The following SLC25A21 variants were observed in gnomAD, a reference collection of about 807,000 sequenced individuals.
SLC25A21 encodes mitochondrial 2-oxodicarboxylate carrier.
Under a neutral mutation model 43.8 loss-of-function variants are expected in SLC25A21, and 47 were observed. The ratio of observed to expected loss-of-function variants is 1.07; its 90% CI spans 0.85 to 1.37. SLC25A21 has a LOEUF of 1.37. Ranked by LOEUF, SLC25A21 falls within the 40% of genes most tolerant of loss-of-function variation. The pLI, the probability that SLC25A21 is intolerant of heterozygous loss-of-function variation, is 0.00. For synonymous variants in SLC25A21, 131 were observed against 121.3 expected (o/e 1.08, Z -0.52); for missense variants, 352 against 350.2 (o/e 1.00, Z -0.04).
chr14:36,926,478 G>A (rs1453029108), intron 1 of SLC25A21, among the ~76,000 whole-genome samples: 6 of 152,092 alleles, frequency 3.9e-5, no homozygotes, highest in African/African-American at 9.7e-5. Flanking sequence ...GAAGAAGAAA[G>A]ATAAATCAGA....
At chr14:36,860,903 T>C (rs1363991294) in intron 2 of SLC25A21, among the ~76,000 whole-genome samples, 1 of 152,228 alleles carries the variant, frequency 6.6e-6, no homozygotes. Context: ...TAATTTTGTG[T>C]GGTTTTTGCT....
chr14:36,903,052 A>C (rs1485096410), intron 1 of SLC25A21, among the ~76,000 whole-genome samples: 3 of 152,228 alleles, frequency 2.0e-5, no homozygotes, highest in Non-Finnish European at 4.4e-5. Flanking sequence ...GAATAAAAAT[A>C]ATAGTGGTTC....
chr14:37,114,797 AATTGGTGGTTTTC>A lies in SLC25A21; in HGVS notation c.70+57471_70+57483del, dbSNP rs1201535967. On this transcript the variant is annotated intron_variant, in intron 1 of 9. Coordinates refer to ENST00000331299, the MANE Select transcript of SLC25A21 (RefSeq NM_030631.4). ...AGAGTCATTTTTATGGCGGGGGGGG[AATTGGTGGTTTTC>A]ATTGGTGGTTTTCATTCTTGTTTTT... 8.3e-5 allele frequency among the ~76,000 whole-genome samples: 10 copies of A among 120,398 alleles called. No individual in the cohort carries two copies. The South Asian group carries it at 1.1e-3, about 13-fold the overall frequency. 79.0% of individuals were successfully genotyped at this position (120,398 alleles called of 152,430 possible).
In SLC25A21 at chr14:37,142,758, C is replaced by T. The variant is rs1055171768; in HGVS notation, c.70+29523G>A. Among the ~76,000 whole-genome samples, 7 of 152,066 alleles carry T rather than the reference C, an allele frequency of 4.6e-5. No individual in the cohort carries two copies. The South Asian group carries it at 6.2e-4, about 14-fold the overall frequency. On this transcript the variant is annotated intron_variant, in intron 1 of 9. Coordinates refer to ENST00000331299, the MANE Select transcript of SLC25A21 (RefSeq NM_030631.4). ...AAATTAGGCAGATATTAGAAATGTCCGTTTTTCTCCTTAGCCTGACTGTCA... is the reference window on the plus strand; with the variant it reads ...AAATTAGGCAGATATTAGAAATGTCTGTTTTTCTCCTTAGCCTGACTGTCA...
At chr14:36,711,719 T>C (rs1594513602) in intron 6 of SLC25A21, among the ~76,000 whole-genome samples, 1 of 152,232 alleles carries the variant, frequency 6.6e-6, no homozygotes, top group East Asian at 1.9e-4. Flanking sequence ...ACGATTTTGA[T>C]AGGATTAGTG....
intron 1 of SLC25A21, among the ~76,000 whole-genome samples, chr14:36,938,923 T>G (rs1478081686): frequency 6.6e-6 from 1 of 152,176 alleles, no homozygotes. Flanking sequence ...TATTCAGATT[T>G]AACTCTCTTA....
At chr14:36,804,358 G>A (rs1387074711) in intron 3 of SLC25A21, among the ~76,000 whole-genome samples, 1 of 152,146 alleles carries the variant, frequency 6.6e-6, no homozygotes, top group East Asian at 1.9e-4. Flanking sequence ...TGACAAAATA[G>A]GCAGCATATT....
chr14:36,880,815 G>A (rs142240056), intron 1 of SLC25A21, among the ~76,000 whole-genome samples: 2 of 152,272 alleles, frequency 1.3e-5, no homozygotes, highest in African/African-American at 4.8e-5. Context: ...CACATATCCT[G>A]CTGTGTAAAT....
chr14:36,758,708 G>C (rs1182895447), intron 3 of SLC25A21, among the ~76,000 whole-genome samples: 4 of 152,016 alleles, frequency 2.6e-5, no homozygotes, highest in Admixed American at 2.0e-4. Flanking sequence ...CAGTTGAGAA[G>C]AGAAATGATC....
chr14:37,037,811 G>T (rs1396913340), intron 1 of SLC25A21, among the ~76,000 whole-genome samples: 2 of 152,040 alleles, frequency 1.3e-5, no homozygotes, highest in Admixed American at 1.3e-4. Context: ...TCAGAATGCT[G>T]CCAGGAATCA....
In SLC25A21 at chr14:37,095,784, G is replaced by GTATA. The variant is rs60328274; in HGVS notation, c.70+76493_70+76496dup. 8.5e-5 allele frequency among the ~76,000 whole-genome samples: 12 copies of GTATA among 140,358 alleles called. No individual in the cohort carries two copies. In the East Asian group the frequency reaches 2.5e-3, roughly 29 times the overall value. 92.1% of individuals were successfully genotyped at this position (140,358 alleles called of 152,430 possible). ...CCTGTCTTTAAAAAAATGTATATAT[G>GTATA]TATATATATATTTATATACACACAC... On this transcript the variant is annotated intron_variant, in intron 1 of 9. Transcript: ENST00000331299.
chr14:36,960,105 T>G (rs529991910), intron 1 of SLC25A21, among the ~76,000 whole-genome samples: 1 of 152,216 alleles, frequency 6.6e-6, no homozygotes, highest in Non-Finnish European at 1.5e-5. Flanking sequence ...CTTTTTGTTT[T>G]TTAGTTTAGA....
intron 1 of SLC25A21, among the ~76,000 whole-genome samples, chr14:37,004,943 G>A (rs892102556): frequency 3.0e-5 from 3 of 100,410 alleles, no homozygotes; most frequent in Non-Finnish European, 4.2e-5. Context: ...TTTTTTTTTT[G>A]AGACAGAGTG....
chr14:36,883,171 C>T (rs1022200027), intron 1 of SLC25A21, among the ~76,000 whole-genome samples: 8 of 152,116 alleles, frequency 5.3e-5, no homozygotes, highest in Non-Finnish European at 1.0e-4. Flanking sequence ...TATATTCAGA[C>T]GAAAGCTACC....
chr14:36,925,342 C>T (rs1892101741), intron 1 of SLC25A21, among the ~76,000 whole-genome samples: 1 of 152,052 alleles, frequency 6.6e-6, no homozygotes, highest in African/African-American at 2.4e-5. Flanking sequence ...CTAGGAGAAA[C>T]CCACTTTCAG....
intron 1 of SLC25A21, among the ~76,000 whole-genome samples, chr14:36,971,745 G>A (rs533041159): frequency 5.9e-5 from 9 of 152,088 alleles, no homozygotes; most frequent in Non-Finnish European, 1.2e-4. Flanking sequence ...CACGAACCTC[G>A]GGTATTTACC....
chr14:36,965,880 A>G (rs1959601044), intron 1 of SLC25A21, among the ~76,000 whole-genome samples: 1 of 152,218 alleles, frequency 6.6e-6, no homozygotes, highest in African/African-American at 2.4e-5. Context: ...CTAAAAGAGT[A>G]TAATTTGATT....
At chr14:37,131,847 A>T (rs1594808709) in intron 1 of SLC25A21, among the ~76,000 whole-genome samples, 1 of 152,042 alleles carries the variant, frequency 6.6e-6, no homozygotes, top group East Asian at 1.9e-4. Context: ...CTAATTTCTA[A>T]AATTTTTGTA....
intron 1 of SLC25A21, among the ~76,000 whole-genome samples, chr14:37,021,159 C>T (rs980200593): frequency 6.6e-5 from 10 of 151,838 alleles, no homozygotes; most frequent in African/African-American, 2.2e-4. Context: ...GGGCAAAGGA[C>T]CGATTGTGAT....
Sources: allele counts gnomAD v4.1 joint callset (sites outside exome capture counted in the v4.1 genomes callset), GRCh38; gene constraint gnomAD v4.1.1; transcripts MANE v1.5; gene names NCBI Gene and HGNC (gene_info 2026-07-23, HGNC 2026-07-21).